The following KIAA0319 variants were observed in gnomAD, a reference collection of about 807,000 sequenced individuals.
KIAA0319 encodes the protein KIAA0319.
In KIAA0319, 83 loss-of-function variants were observed where a neutral mutation model predicts 108.4. The observed-to-expected ratio is 0.77, with a 90% CI of 0.64 to 0.92. The LOEUF (loss-of-function observed/expected upper bound fraction) is 0.92. KIAA0319 is among the 40% of genes least tolerant of loss of function. The pLI, the probability that KIAA0319 is intolerant of heterozygous loss-of-function variation, is 0.00. For synonymous variants in KIAA0319, 484 were observed against 510.4 expected (o/e 0.95, Z 0.70); for missense variants, 1,195 against 1,322.4 (o/e 0.90, Z 1.49).
In KIAA0319 at chr6:24,582,152, GAAGA is replaced by G. The variant is rs1034183748; in HGVS notation, c.1191+93_1191+96del. 5 of 743,972 alleles carry G rather than the reference GAAGA, an allele frequency of 6.7e-6. No homozygotes were observed. The African/African-American group carries it at 8.7e-5, about 13-fold the overall frequency. 46.1% of individuals were successfully genotyped at this position (743,972 alleles called of 1,614,324 possible). On this transcript the variant is annotated intron_variant, in intron 6 of 20. Transcript: ENST00000378214. ...CAGAGCAAGACTCTGTCCCCAAAAAGAAGAAAGACGTTTGGGTTCAGTAGCTAAG... is the reference window on the plus strand; with the variant it reads ...CAGAGCAAGACTCTGTCCCCAAAAAGAAGACGTTTGGGTTCAGTAGCTAAG...
intron 5 of KIAA0319, 127 bp from the exon 6 acceptor site, chr6:24,582,473 T>TA: frequency 3.8e-6 from 1 of 261,398 alleles, no homozygotes; most frequent in Non-Finnish European, 6.2e-6. Context: ...AACTCAGCTT[T>TA]CTTTTTTTTT....
intron 4 of KIAA0319, 41 bp from the exon 5 acceptor site, chr6:24,583,743 T>C (rs1244036620): frequency 4.0e-6 from 5 of 1,265,292 alleles, no homozygotes; most frequent in South Asian, 2.4e-5. Context: ...TTATATAATA[T>C]AATGTGTTAC....
intron 1 of KIAA0319, among the ~76,000 whole-genome samples, chr6:24,607,543 C>T (rs1771608510): frequency 6.6e-6 from 1 of 151,758 alleles, no homozygotes; most frequent in East Asian, 1.9e-4. Context: ...TACTATAAAG[C>T]CAAATGACAG....
intron 1 of KIAA0319, among the ~76,000 whole-genome samples, chr6:24,630,708 T>TAC (rs10658018): frequency 3.9e-5 from 1 of 25,734 alleles, no homozygotes; most frequent in East Asian, 2.3e-3. Flanking sequence ...TATATACACA[T>TAC]ATACACACAA....
chr6:24,558,406 T>TAGAG (rs1285179829), intron 17 of KIAA0319, among the ~76,000 whole-genome samples: 3 of 147,176 alleles, frequency 2.0e-5, no homozygotes, highest in African/African-American at 7.4e-5. Context: ...GATAGATAGA[T>TAGAG]ATCTGAAACA....
At position 24,564,270 on chromosome 6, in the gene KIAA0319, A is replaced by C; in HGVS notation, c.2363T>G (p.Phe788Cys). 1 of 1,614,086 alleles carries C rather than the reference A, an allele frequency of 6.2e-7. No individual in the cohort carries two copies. The highest frequency in any genetic ancestry group is 8.5e-7 in the Non-Finnish European group (1 of 1,179,996). Residue 788 changes from phenylalanine (F) to cysteine (C), a missense_variant, in exon 15 of 21, where the codon TTC (phenylalanine) becomes TGC (cysteine). Transcript: ENST00000378214. ...CTGACTGTCGGTGACTCGCAAGTGG[A>C]AAGTGTACACCCCCTCCACCAGATT... ...LTNLVEGVYT[F>C]HLRVTDSQGA...
At chr6:24,561,934 C>T (rs1392938541) in intron 16 of KIAA0319, among the ~76,000 whole-genome samples, 1 of 152,216 alleles carries the variant, frequency 6.6e-6, no homozygotes, top group Non-Finnish European at 1.5e-5. Context: ...AACTCCTGAC[C>T]TCAAGTGATC....
intron 2 of KIAA0319, chr6:24,600,695 T>C: frequency 6.5e-7 from 1 of 1,528,102 alleles, no homozygotes; most frequent in Non-Finnish European, 8.8e-7. Flanking sequence ...CATGAGTGCA[T>C]CCACCATAAG....
chr6:24,630,733 A>T (rs1775479448), intron 1 of KIAA0319, among the ~76,000 whole-genome samples: 1 of 150,498 alleles, frequency 6.6e-6, no homozygotes. Flanking sequence ...TAGTACAGCT[A>T]TCATCTTAGA....
chr6:24,557,148 T>G (rs1762411706), intron 17 of KIAA0319, among the ~76,000 whole-genome samples: 1 of 152,040 alleles, frequency 6.6e-6, no homozygotes, highest in East Asian at 1.9e-4. Flanking sequence ...GAGGTTGCAG[T>G]GAGCCGAGAT....
intron 3 of KIAA0319, among the ~76,000 whole-genome samples, chr6:24,595,447 T>TGAG (rs1769334394): frequency 1.4e-5 from 2 of 146,552 alleles, no homozygotes; most frequent in Non-Finnish European, 3.0e-5. Context: ...CTCGGGAGGC[T>TGAG]GAGGCAGGAG....
chr6:24,641,286 T>C (rs1483292294), intron 1 of KIAA0319, among the ~76,000 whole-genome samples: 2 of 152,256 alleles, frequency 1.3e-5, no homozygotes, highest in Admixed American at 1.3e-4. Flanking sequence ...TTAACATATT[T>C]TGTTTATCCA....
intron 18 of KIAA0319, among the ~76,000 whole-genome samples, chr6:24,555,901 C>T (rs1414657607): frequency 6.6e-6 from 1 of 152,150 alleles, no homozygotes; most frequent in African/African-American, 2.4e-5. Flanking sequence ...AAATGCAGCC[C>T]GTGGCCCAAG....
chr6:24,547,251 T>C lies in KIAA0319; in HGVS notation c.3133A>G (p.Lys1045Glu), dbSNP rs1353409946. Residue 1045 changes from lysine to glutamate, a missense_variant, in exon 21 of 21, where the codon AAG (lysine) becomes GAG (glutamate). Coordinates refer to ENST00000378214, the MANE Select transcript of KIAA0319 (RefSeq NM_014809.4). ...ACCTTTGGATTCCCTCTCTCCATCT[T>C]TTCTCGGCTGAAGATTGTGTCCTGG... ...SDQDTIFSRE[K>E]MERGNPKVSM... 6.2e-7 allele frequency: 1 copy of C among 1,614,180 alleles called. No homozygotes were observed. The highest frequency in any genetic ancestry group is 8.5e-7 in the Non-Finnish European group (1 of 1,179,996).
intron 1 of KIAA0319, among the ~76,000 whole-genome samples, chr6:24,607,246 C>T (rs1039660026): frequency 2.6e-5 from 4 of 152,174 alleles, no homozygotes; most frequent in African/African-American, 7.2e-5. Flanking sequence ...ATCCCAGCTA[C>T]TTGAGAGGCT....
intron 1 of KIAA0319, among the ~76,000 whole-genome samples, chr6:24,633,108 A>AT (rs950267623): frequency 1.3e-5 from 2 of 152,096 alleles, no homozygotes; most frequent in African/African-American, 4.8e-5. Context: ...ATAATACAAG[A>AT]TTTTTTTCAT....
chr6:24,569,391 TTC>T (rs1262711348), intron 12 of KIAA0319, among the ~76,000 whole-genome samples: 1 of 152,186 alleles, frequency 6.6e-6, no homozygotes, highest in African/African-American at 2.4e-5. Flanking sequence ...TCCAAGCTCT[TTC>T]TCTTACTATC....
intron 13 of KIAA0319, 80 bp downstream of exon 13, chr6:24,568,701 G>A (rs1159955289): frequency 1.1e-5 from 16 of 1,397,088 alleles, no homozygotes; most frequent in Non-Finnish European, 1.6e-5. Flanking sequence ...CAACATCTCT[G>A]AATAGTCATG....
intron 5 of KIAA0319, chr6:24,583,079 G>C (rs1027000322): frequency 5.1e-6 from 5 of 985,148 alleles, no homozygotes; most frequent in Non-Finnish European, 6.0e-6. Context: ...CAATGCATTT[G>C]ACAGGCCACA....
Sources: gnomAD v4.1 joint callset for allele counts (sites outside exome capture counted in the v4.1 genomes callset) on GRCh38, gnomAD v4.1.1 for gene constraint, MANE v1.5 for transcripts, NCBI Gene and HGNC (gene_info 2026-07-23, HGNC 2026-07-21) for gene names.